The following HTRA4 variants were observed in gnomAD, a reference collection of about 807,000 sequenced individuals.
The protein encoded by HTRA4 is HtrA serine peptidase 4.
HTRA4 carries 46 observed loss-of-function variants against 49.1 expected under a neutral mutation model. The observed-to-expected ratio is 0.94, with a 90% CI of 0.74 to 1.20. HTRA4 has a LOEUF of 1.20. HTRA4 is among the 50% of genes most tolerant of loss of function. HTRA4 has a pLI of 0.00. For synonymous variants in HTRA4, 261 were observed against 264.0 expected (o/e 0.99, Z 0.11); for missense variants, 602 against 636.9 (o/e 0.95, Z 0.59).
intron 5 of HTRA4, 26 bp from the exon 6 acceptor site, chr8:38,981,627 C>A: frequency 6.4e-7 from 1 of 1,557,906 alleles, no homozygotes; most frequent in Non-Finnish European, 8.9e-7. Flanking sequence ...AACTTCATGA[C>A]TGAATGATGT....
intron 5 of HTRA4, among the ~76,000 whole-genome samples, chr8:38,979,578 A>C (rs117706960): frequency 6.6e-6 from 1 of 152,326 alleles, no homozygotes; most frequent in East Asian, 1.9e-4. Flanking sequence ...ATCTCATCCC[A>C]CTGAGAACAC....
intron 6 of HTRA4, 31 bp downstream of exon 6, chr8:38,981,798 G>C: frequency 7.1e-7 from 1 of 1,417,594 alleles, no homozygotes; most frequent in Non-Finnish European, 9.9e-7. Context: ...TTTTTTTTTG[G>C]TTTCGTCTTG....
chr8:38,988,095 T>C lies in HTRA4; in HGVS notation c.1428T>C (p.Asn476=), dbSNP rs185925744. 37 of 1,574,588 alleles carry C rather than the reference T, an allele frequency of 2.3e-5. No individual in the cohort carries two copies. In the East Asian group the frequency reaches 8.4e-4, roughly 36 times the overall value. The part of the protein sequence containing the change: ...LLLTVIPETI[N] ...TGACAGTCATACCTGAAACAATCAA[T>C]TAAATATCTTGTTTTAAAGTGGGAT... Residue 476 remains asparagine (N), a synonymous_variant, in exon 9 of 9, where the codon AAT becomes AAC. Coordinates refer to ENST00000302495, the MANE Select transcript of HTRA4 (RefSeq NM_153692.4).
chr8:38,981,030 A>G (rs1281056539), intron 5 of HTRA4, among the ~76,000 whole-genome samples: 1 of 146,894 alleles, frequency 6.8e-6, no homozygotes, highest in Non-Finnish European at 1.5e-5. Context: ...TTTAAAGTCA[A>G]TGTAACTTAC....
intron 4 of HTRA4, among the ~76,000 whole-genome samples, chr8:38,978,688 C>G (rs574837272): frequency 9.2e-5 from 14 of 152,174 alleles, no homozygotes; most frequent in African/African-American, 3.4e-4. Flanking sequence ...AGAGGTCACC[C>G]CTCCTGTAAG....
rs1413759652 is a variant in HTRA4, at chr8:38,974,246, A to G, written c.-18A>G. On this transcript the variant is annotated 5_prime_UTR_variant, in exon 1 of 9. Transcript: ENST00000302495. ...CCAGAGTAAAGTCACTGAAGAGTGG[A>G]AGCGAGGAAGGAACAGGATGATTAG... The G allele has an allele frequency of 8.7e-6, 14 of 1,611,738 alleles. No individual in the cohort carries two copies. Among genetic ancestry groups the G allele is most frequent in the Non-Finnish European group, 1.2e-5 (14 of 1,179,098 alleles).
intron 5 of HTRA4, among the ~76,000 whole-genome samples, chr8:38,981,399 A>G (rs1835422544): frequency 6.6e-6 from 1 of 152,102 alleles, no homozygotes; most frequent in South Asian, 2.1e-4. Flanking sequence ...GATTTTAAAA[A>G]GTCCTCAGCA....
rs183272101 is a variant in HTRA4, at chr8:38,978,492, C to G, written c.966+345C>G. On this transcript the variant is annotated intron_variant, in intron 4 of 8. Transcript: ENST00000302495. ...CCTGTGCCAAAAAGTTTGGGGATTG[C>G]TGACTTAGGAGGCCTTTCCTCAGAT... Among the ~76,000 whole-genome samples, 791 of 152,312 alleles carry G rather than the reference C, an allele frequency of 5.2e-3. 8 individuals are homozygous for G. Among genetic ancestry groups the G allele is most frequent in the African/African-American group, 0.018 (768 of 41,560 alleles).
Position 38,982,097 on chromosome 8 carries a change from C to T in HTRA4, c.1114+330C>T, listed in dbSNP as rs375833433. ...TCCTGACCTCCAGTGATCCGCTTGC[C>T]TCGGCCTCCCAAAGTGCTGGGATTA... On this transcript the variant is annotated intron_variant, in intron 6 of 8. Coordinates refer to ENST00000302495, the MANE Select transcript of HTRA4 (RefSeq NM_153692.4). Among the ~76,000 whole-genome samples the T allele has an allele frequency of 3.9e-5, 6 of 152,128 alleles. No individual in the cohort carries two copies. In the South Asian group the frequency reaches 1.2e-3, roughly 31 times the overall value.
Position 38,978,032 on chromosome 8 carries a change from T to C in HTRA4, c.851T>C (p.Phe284Ser), listed in dbSNP as rs1215683330. ...TTTGTGGTGGCTTTGGGCAGCCCATTTTCTCTGCAGAACACAGCTACTGCA... is the reference window on the plus strand; with the variant it reads ...TTTGTGGTGGCTTTGGGCAGCCCATCTTCTCTGCAGAACACAGCTACTGCA... ...GEFVVALGSP[F>S]SLQNTATAGI... is the part of the protein sequence containing the mutation. The change falls in exon 4 of 9, where the codon TTT becomes TCT. Residue 284 changes from phenylalanine to serine, a missense_variant. Transcript: ENST00000302495. 2 of 1,614,136 alleles carry C rather than the reference T, an allele frequency of 1.2e-6. No individual in the cohort carries two copies. Among genetic ancestry groups the C allele is most frequent in the Non-Finnish European group, 8.5e-7 (1 of 1,180,022 alleles).
intron 8 of HTRA4, among the ~76,000 whole-genome samples, 160 bp from the exon 9 acceptor site, chr8:38,987,776 G>T (rs1011775330): frequency 2.0e-5 from 3 of 152,122 alleles, no homozygotes; most frequent in Middle Eastern, 3.2e-3. Context: ...GCATATTTTA[G>T]AATAGCTTTA....
Position 38,974,290 on chromosome 8 carries a change from G to A in HTRA4, c.27G>A (p.Ala9=). ...TGATTAGACCTCAGCTGCGGACCGC[G>A]GGGCTGGGACGATGCCTCCTGCCGG... is the stretch of plus-strand genomic sequence containing the variant. The part of the protein sequence containing the change: MIRPQLRT[A]GLGRCLLPGL... The change falls in exon 1 of 9, where the codon GCG becomes GCA. Residue 9 remains alanine, a synonymous_variant. Coordinates refer to ENST00000302495, the MANE Select transcript of HTRA4 (RefSeq NM_153692.4). The A allele has an allele frequency of 6.2e-7, 1 of 1,612,322 alleles. No individual in the cohort carries two copies. The highest frequency in any genetic ancestry group is 1.1e-5 in the South Asian group (1 of 90,690).
chr8:38,979,307 A>T, intron 5 of HTRA4, 60 bp downstream of exon 5: 1 of 1,492,504 alleles, frequency 6.7e-7, no homozygotes, highest in Non-Finnish European at 9.3e-7. Context: ...GACTTTATTA[A>T]TTCCAGGCCA....
intron 3 of HTRA4, among the ~76,000 whole-genome samples, chr8:38,977,255 T>C (rs1460475280): frequency 2.0e-5 from 3 of 148,020 alleles, no homozygotes; most frequent in Non-Finnish European, 3.0e-5. Flanking sequence ...TTCTATTAAC[T>C]ATCAAGCAGT....
chr8:38,983,697 A>G (rs1023644717), intron 8 of HTRA4, among the ~76,000 whole-genome samples: 1 of 151,874 alleles, frequency 6.6e-6, no homozygotes, highest in Non-Finnish European at 1.5e-5. Context: ...AATTAAATTC[A>G]TCTATTTAAA....
intron 5 of HTRA4, among the ~76,000 whole-genome samples, chr8:38,981,077 T>TGTTTTG (rs1554565755): frequency 1.3e-4 from 14 of 105,190 alleles, no homozygotes; most frequent in East Asian, 5.4e-4. Context: ...TTTTTTTTTT[T>TGTTTTG]TTTTTTTTTT....
chr8:38,977,857 C>T (rs771480774), intron 3 of HTRA4, 96 bp from the exon 4 acceptor site: 20 of 1,259,512 alleles, frequency 1.6e-5, no homozygotes, highest in Non-Finnish European at 2.0e-5. Flanking sequence ...ATAGAGACAG[C>T]GTCATATATG....
rs1401100196 is a variant in HTRA4 at position 38,974,509 on chromosome 8, G to C, written c.246G>C (p.Gly82=). 1 of 1,473,418 alleles carries C rather than the reference G, an allele frequency of 6.8e-7. No individual in the cohort carries two copies. The highest frequency in any genetic ancestry group is 8.9e-7 in the Non-Finnish European group (1 of 1,123,182). The allele number at this position is 1,473,418 out of a possible 1,614,324, so 91.3% of individuals were successfully genotyped here. The change falls in exon 1 of 9, where the codon GGG becomes GGC. Residue 82 remains glycine (G), a synonymous_variant. Coordinates refer to ENST00000302495, the MANE Select transcript of HTRA4 (RefSeq NM_153692.4). ...CGGCCGAGCGTGAAGTCTGCGGCGG[G>C]GCGCAGGGCCAACCGTGCGCCCCGG... The part of the protein sequence containing the change: ...CPAAEREVCG[G]AQGQPCAPGL...
intron 8 of HTRA4, among the ~76,000 whole-genome samples, chr8:38,987,024 T>G (rs1338375907): frequency 6.6e-6 from 1 of 152,246 alleles, no homozygotes; most frequent in East Asian, 1.9e-4. Context: ...CCTCCTAAAC[T>G]GTCTTTGTTC....
Sources: allele counts gnomAD v4.1 joint callset (sites outside exome capture counted in the v4.1 genomes callset), GRCh38; gene constraint gnomAD v4.1.1; transcripts MANE v1.5; gene names NCBI Gene and HGNC (gene_info 2026-07-23, HGNC 2026-07-21).